Variants in EYA3 observed in about 807,000 individuals in gnomAD.
EYA3 encodes protein phosphatase EYA3.
EYA3 carries 39 observed loss-of-function variants against 80.0 expected under a neutral mutation model. The observed-to-expected ratio is 0.49, with a 90% confidence interval of 0.38 to 0.64. The LOEUF (loss-of-function observed/expected upper bound fraction) is 0.64, where lower values mean the gene tolerates loss of function less well. Ranked by LOEUF, EYA3 falls within the 30% of genes least tolerant of loss-of-function variation. EYA3 has a pLI of 0.00. For synonymous variants in EYA3, 206 were observed against 232.8 expected (o/e 0.88, Z 1.05); for missense variants, 523 against 676.1 (o/e 0.77, Z 2.51).
intron 4 of EYA3, among the ~76,000 whole-genome samples, chr1:28,041,531 C>T (rs566315463): frequency 1.5e-4 from 23 of 149,882 alleles, no homozygotes; most frequent in Middle Eastern, 3.4e-3. Context: ...CCAACCTGGG[C>T]AACAAAGCAA....
intron 7 of EYA3, among the ~76,000 whole-genome samples, chr1:28,019,847 T>G (rs1187237327): frequency 6.6e-6 from 1 of 151,998 alleles, no homozygotes. Context: ...ATTACAGACA[T>G]GCACCACCAA....
rs147606710 is a variant in EYA3, at chr1:28,080,579, A to G, written c.-69+7945T>C. ...ATTTCAAATATTAATATGTACATAT[A>G]TGTGTCTGAGTACTGGATAGCAATG... is the stretch of plus-strand genomic sequence containing the variant. On this transcript the variant is annotated intron_variant, in intron 1 of 17. Transcript: ENST00000373871. 7.0e-3 allele frequency among the ~76,000 whole-genome samples: 1,057 copies of G among 151,808 alleles called. 5 individuals carry two copies. Among genetic ancestry groups the G allele is most frequent in the Non-Finnish European group, 0.011 (724 of 67,936 alleles).
chr1:28,048,673 G>C (rs1410537609), intron 2 of EYA3, among the ~76,000 whole-genome samples: 1 of 151,918 alleles, frequency 6.6e-6, no homozygotes, highest in East Asian at 1.9e-4. Flanking sequence ...TTTTACTCAA[G>C]GTAGACAGAA....
At chr1:28,042,371 C>T (rs527456501) in intron 4 of EYA3, among the ~76,000 whole-genome samples, 200 bp downstream of exon 4, 1 of 152,258 alleles carries the variant, frequency 6.6e-6, no homozygotes, top group African/African-American at 2.4e-5. Context: ...GGTGAGTGGA[C>T]TCCATGTGAT....
At chr1:28,062,323 G>A (rs1644659485) in intron 1 of EYA3, among the ~76,000 whole-genome samples, 1 of 152,104 alleles carries the variant, frequency 6.6e-6, no homozygotes, top group Admixed American at 6.6e-5. Flanking sequence ...TGTGAATGCT[G>A]ACAGTGAAAA....
intron 3 of EYA3, 72 bp from the exon 4 acceptor site, chr1:28,042,722 C>T: frequency 1.7e-6 from 2 of 1,159,466 alleles, no homozygotes; most frequent in Non-Finnish European, 2.6e-6. Flanking sequence ...TGAGTTCAAA[C>T]CCATTTCCTC....
chr1:28,030,644 A>G (rs1643087102), intron 6 of EYA3, among the ~76,000 whole-genome samples: 1 of 152,230 alleles, frequency 6.6e-6, no homozygotes, highest in Non-Finnish European at 1.5e-5. Context: ...TCATCTATTA[A>G]TCACATGAAA....
chr1:28,007,454 C>A (rs1641371140), intron 10 of EYA3, among the ~76,000 whole-genome samples: 1 of 151,742 alleles, frequency 6.6e-6, no homozygotes, highest in Non-Finnish European at 1.5e-5. Flanking sequence ...CTTGCCTTAG[C>A]CTCCCGAGTA....
chr1:27,989,853 A>G (rs764401619), intron 14 of EYA3, 42 bp from the exon 15 acceptor site: 1 of 1,337,140 alleles, frequency 7.5e-7, no homozygotes, highest in Non-Finnish European at 1.0e-6. Flanking sequence ...TTGACAACAT[A>G]TATTTGCTGA....
intron 7 of EYA3, among the ~76,000 whole-genome samples, chr1:28,024,669 T>C (rs1382572118): frequency 2.0e-5 from 3 of 151,976 alleles, no homozygotes; most frequent in Non-Finnish European, 4.4e-5. Context: ...AATATATATA[T>C]AATTAAAATT....
At chr1:28,021,391 TC>T (rs1475398190) in intron 7 of EYA3, among the ~76,000 whole-genome samples, 1 of 152,116 alleles carries the variant, frequency 6.6e-6, no homozygotes, top group African/African-American at 2.4e-5. Flanking sequence ...AATTTTTTTT[TC>T]AGAGCACTGT....
intron 7 of EYA3, among the ~76,000 whole-genome samples, chr1:28,021,271 C>A (rs1642417596): frequency 6.6e-6 from 1 of 152,158 alleles, no homozygotes; most frequent in African/African-American, 2.4e-5. Context: ...TCTCTCCAAC[C>A]CCCTTGCCTT....
rs893985401 is a variant in EYA3 at position 28,010,417 on chromosome 1, G to A, written c.909+530C>T. 2.0e-5 allele frequency among the ~76,000 whole-genome samples: 3 copies of A among 152,256 alleles called. No individual in the cohort carries two copies. In the South Asian group the frequency reaches 6.2e-4, roughly 32 times the overall value. On this transcript the variant is annotated intron_variant, in intron 10 of 17. Transcript: ENST00000373871. ...AAATTTCTTTTCTTTTTGAGACAGAGTCTCACTCTGTTGCCCTGGCTGGAG... is the reference window on the plus strand; with the variant it reads ...AAATTTCTTTTCTTTTTGAGACAGAATCTCACTCTGTTGCCCTGGCTGGAG...
chr1:28,058,133 T>C (rs1644496130), intron 1 of EYA3, 39 bp from the exon 2 acceptor site: 2 of 789,104 alleles, frequency 2.5e-6, no homozygotes, highest in East Asian at 5.5e-5. Flanking sequence ...TTATACACTC[T>C]TAAAGTATTA....
At chr1:27,982,999 T>A (rs756904772) in intron 16 of EYA3, among the ~76,000 whole-genome samples, 2 of 152,236 alleles carry the variant, frequency 1.3e-5, no homozygotes, top group Non-Finnish European at 2.9e-5. Flanking sequence ...CCAATTATTT[T>A]CTATGATAAG....
chr1:27,972,835 C>G lies in EYA3; in HGVS notation c.*1631G>C, dbSNP rs12565238. 2 of 152,242 alleles carry G rather than the reference C, an allele frequency of 1.3e-5. No homozygotes were observed. Among genetic ancestry groups the G allele is most frequent in the Non-Finnish European group, 2.9e-5 (2 of 68,084 alleles). 9.4% of individuals were successfully genotyped at this position (152,242 alleles called of 1,614,324 possible). A position where few individuals can be genotyped will look rare whatever the true frequency, so the allele number is the denominator to read the frequency against. On this transcript the variant is annotated 3_prime_UTR_variant, in exon 18 of 18. Transcript: ENST00000373871. ...GGCACCCACCAATCTGCCCAGAGGT[C>G]GAGAGATGCTCCTGCATTTGGCCCA... is the stretch of plus-strand genomic sequence containing the variant.
At chr1:28,024,195 C>T (rs981565800) in intron 7 of EYA3, among the ~76,000 whole-genome samples, 3 of 152,110 alleles carry the variant, frequency 2.0e-5, no homozygotes, top group South Asian at 2.1e-4. Flanking sequence ...GCTGAGATCA[C>T]GCCACTGCAC....
chr1:27,986,559 G>A (rs1358304497), intron 16 of EYA3, among the ~76,000 whole-genome samples: 3 of 150,834 alleles, frequency 2.0e-5, no homozygotes, highest in South Asian at 4.2e-4. Flanking sequence ...CACCATGCCC[G>A]ACTAATTTTG....
At chr1:27,978,532 G>C in intron 16 of EYA3, 58 bp from the exon 17 acceptor site, 1 of 1,423,808 alleles carries the variant, frequency 7.0e-7, no homozygotes, top group South Asian at 1.2e-5. Flanking sequence ...CAAAACCAAA[G>C]AAGAGGGCTG....
Sources: gnomAD v4.1 joint callset for allele counts (sites outside exome capture counted in the v4.1 genomes callset) on GRCh38, gnomAD v4.1.1 for gene constraint, MANE v1.5 for transcripts, NCBI Gene and HGNC (gene_info 2026-07-23, HGNC 2026-07-21) for gene names.